HORMAD2: variants seen among roughly 807,000 people sequenced by gnomAD.
HORMAD2 encodes the protein HORMA domain containing 2, also known as HORMA domain-containing protein 2.
HORMAD2 carries 45 observed loss-of-function variants against 38.8 expected under a neutral mutation model. The observed-to-expected ratio is 1.16, with a 90% CI of 0.91 to 1.49. The LOEUF (loss-of-function observed/expected upper bound fraction) is 1.49. Among genes scored for constraint, HORMAD2 ranks in the 40% most tolerant of loss-of-function variants. The pLI is 0.00. For synonymous variants in HORMAD2, 126 were observed against 122.8 expected, an observed-to-expected ratio of 1.03 and a Z score of -0.17; for missense variants, 338 against 367.0, an observed-to-expected ratio of 0.92 and a Z score of 0.65.
downstream of HORMAD2, among the ~76,000 whole-genome samples, chr22:30,180,811 C>T (rs1239617805): frequency 4.0e-5 from 6 of 149,226 alleles, no homozygotes; most frequent in South Asian, 1.1e-3. Flanking sequence ...CTCTTCCCTT[C>T]TTCCCTTCCT....
chr22:30,169,914 T>A (rs891895503), intron 10 of HORMAD2, among the ~76,000 whole-genome samples: 1 of 152,220 alleles, frequency 6.6e-6, no homozygotes, highest in Non-Finnish European at 1.5e-5. Flanking sequence ...GTGTTGGACA[T>A]AAGTATTCTC....
chr22:30,088,128 C>CATAT (rs2068611463), intron 1 of HORMAD2, among the ~76,000 whole-genome samples: 1 of 150,432 alleles, frequency 6.6e-6, no homozygotes, highest in African/African-American at 2.5e-5. Context: ...CACACACGTA[C>CATAT]ACATGTGTAC....
In HORMAD2 at chr22:30,128,525, A is replaced by G. The variant is rs563666544; in HGVS notation, c.819+6311A>G. Among the ~76,000 whole-genome samples, 4 of 152,322 alleles carry G rather than the reference A, an allele frequency of 2.6e-5. No individual in the cohort carries two copies. In the East Asian group the frequency reaches 7.7e-4, roughly 29 times the overall value. ...TTAATTCTTGATTTTGCTATTATAA[A>G]GTATTATAATAAATACCTTTGCACA... On this transcript the variant is annotated intron_variant, in intron 10 of 10. Transcript: ENST00000336726.
chr22:30,163,971 C>T (rs1178459853), intron 10 of HORMAD2, among the ~76,000 whole-genome samples: 1 of 152,120 alleles, frequency 6.6e-6, no homozygotes, highest in African/African-American at 2.4e-5. Flanking sequence ...TCCCCATAGT[C>T]CCTGGCAATC....
chr22:30,193,166 A>G, the HORMAD2 span, among the ~76,000 whole-genome samples: 1 of 152,238 alleles, frequency 6.6e-6, no homozygotes, highest in South Asian at 2.1e-4. Context: ...AATATGTCTT[A>G]ACCACAGTTG....
downstream of HORMAD2, among the ~76,000 whole-genome samples, chr22:30,179,730 T>C (rs1022211050): frequency 2.1e-4 from 32 of 152,292 alleles, no homozygotes; most frequent in Admixed American, 1.3e-3. Context: ...TGGCTGGAAG[T>C]TGCACATGAG....
chr22:30,204,624 C>G, the HORMAD2 span, among the ~76,000 whole-genome samples: 1 of 152,158 alleles, frequency 6.6e-6, no homozygotes, highest in East Asian at 1.9e-4. Flanking sequence ...GCTGTCCTGG[C>G]CGTCCCTACA....
At chr22:30,143,863 G>A (rs1924244491) in intron 10 of HORMAD2, among the ~76,000 whole-genome samples, 1 of 152,070 alleles carries the variant, frequency 6.6e-6, no homozygotes. Flanking sequence ...GCAAGATCTG[G>A]TTGTTTAAAA....
upstream of HORMAD2, among the ~76,000 whole-genome samples, chr22:30,079,351 C>T (rs2068430641): frequency 6.6e-6 from 1 of 152,084 alleles, no homozygotes; most frequent in Non-Finnish European, 1.5e-5. Context: ...AGGGGTAGGG[C>T]ACAAAGGAGA....
At chr22:30,142,998 T>C (rs1268288437) in intron 10 of HORMAD2, among the ~76,000 whole-genome samples, 1 of 152,166 alleles carries the variant, frequency 6.6e-6, no homozygotes, top group African/African-American at 2.4e-5. Flanking sequence ...CATCTATTAA[T>C]GGTACAAGAT....
At chr22:30,200,231 A>T in the HORMAD2 span, among the ~76,000 whole-genome samples, 2 of 146,020 alleles carry the variant, frequency 1.4e-5, no homozygotes, top group Non-Finnish European at 3.0e-5. Flanking sequence ...ATTTTCTTTT[A>T]AAAAAAAAAA....
chr22:30,148,527 G>A (rs1468176), intron 10 of HORMAD2, among the ~76,000 whole-genome samples: 106,899 of 152,042 alleles, frequency 0.7, 38,621 homozygotes, highest in South Asian at 0.87. Flanking sequence ...TTTACATTCT[G>A]TTTCATGTAA....
the HORMAD2 span, among the ~76,000 whole-genome samples, chr22:30,192,581 A>G: frequency 4.6e-5 from 7 of 152,342 alleles, no homozygotes; most frequent in African/African-American, 1.7e-4. Context: ...AGAGTCAAGC[A>G]TGGGTGCACT....
At chr22:30,111,249 G>T (rs1921628951) in intron 5 of HORMAD2, among the ~76,000 whole-genome samples, 1 of 152,036 alleles carries the variant, frequency 6.6e-6, no homozygotes. Flanking sequence ...ACTTTGGGAG[G>T]CCAAGATGGG....
At chr22:30,180,127 C>A (rs1366589559), downstream of HORMAD2, among the ~76,000 whole-genome samples, 2 of 152,028 alleles carry the variant, frequency 1.3e-5, no homozygotes, top group Non-Finnish European at 2.9e-5. Flanking sequence ...TGGGCTCAAA[C>A]AATTTGCCCG....
intron 1 of HORMAD2, among the ~76,000 whole-genome samples, chr22:30,084,426 A>G (rs2068535188): frequency 6.6e-6 from 1 of 152,136 alleles, no homozygotes; most frequent in South Asian, 2.1e-4. Context: ...TCACCTCTTA[A>G]AGGCCCCAAC....
chr22:30,192,766 G>T, the HORMAD2 span, among the ~76,000 whole-genome samples: 1 of 152,160 alleles, frequency 6.6e-6, no homozygotes, highest in Non-Finnish European at 1.5e-5. Context: ...ACTCCTTGCA[G>T]CAAGGTATCT....
At chr22:30,124,865 G>T (rs747774284) in intron 10 of HORMAD2, among the ~76,000 whole-genome samples, 2 of 152,068 alleles carry the variant, frequency 1.3e-5, no homozygotes, top group Non-Finnish European at 2.9e-5. Context: ...CAAAGTGGTC[G>T]TACCAACTTA....
intron 1 of HORMAD2, among the ~76,000 whole-genome samples, chr22:30,089,471 G>C (rs1045532820): frequency 6.6e-6 from 1 of 151,514 alleles, no homozygotes; most frequent in Admixed American, 6.6e-5. Flanking sequence ...TCCTGCCTCA[G>C]CCTCCTGAGT....
Sources: allele counts gnomAD v4.1 joint callset (sites outside exome capture counted in the v4.1 genomes callset), GRCh38; gene constraint gnomAD v4.1.1; transcripts MANE v1.5; gene names NCBI Gene and HGNC (gene_info 2026-07-23, HGNC 2026-07-21).